The following OPA3 variants were observed in gnomAD, a reference collection of about 807,000 sequenced individuals.
The protein encoded by OPA3 is outer mitochondrial membrane lipid metabolism regulator OPA3, also known as optic atrophy 3 protein.
Under a neutral mutation model 4.0 loss-of-function variants are expected in OPA3, and 6 were observed. The observed-to-expected ratio is 1.51, with a 90% CI of 0.83 to 2.99. The LOEUF is 2.99. Among genes scored for constraint, OPA3 ranks in the 30% most tolerant of loss-of-function variants. The pLI, the probability that OPA3 is intolerant of heterozygous loss-of-function variation, is 0.00. For missense variants in OPA3, 235 were observed against 256.2 expected (o/e 0.92, Z 0.56); for synonymous variants, 105 against 117.1 (o/e 0.90, Z 0.67).
chr19:45,580,635 T>C (rs1248444369), intron 1 of OPA3, among the ~76,000 whole-genome samples: 1 of 149,064 alleles, frequency 6.7e-6, no homozygotes, highest in Non-Finnish European at 1.5e-5. Flanking sequence ...TATTTATTTA[T>C]TGAGACAGAG....
intron 1 of OPA3, among the ~76,000 whole-genome samples, chr19:45,573,537 A>C (rs1017834156): frequency 3.3e-5 from 5 of 152,158 alleles, no homozygotes; most frequent in Non-Finnish European, 7.3e-5. Context: ...TGTTTTATGG[A>C]TCTTAATATC....
intron 1 of OPA3, among the ~76,000 whole-genome samples, chr19:45,534,240 A>G (rs1372210844): frequency 2.6e-5 from 4 of 152,180 alleles, no homozygotes; most frequent in Admixed American, 1.3e-4. Flanking sequence ...CAGACTGTCC[A>G]TCTCTTTTAG....
intron 1 of OPA3, among the ~76,000 whole-genome samples, chr19:45,540,455 G>C (rs1454146592): frequency 3.3e-5 from 5 of 152,042 alleles, no homozygotes; most frequent in African/African-American, 4.8e-5. Flanking sequence ...CAGCTACTTG[G>C]GGGGTTGAAG....
In OPA3 at chr19:45,553,336, C is replaced by T; in HGVS notation, c.*178G>A. The T allele has an allele frequency of 6.7e-7, 1 of 1,487,598 alleles. No homozygotes were observed. Among genetic ancestry groups the T allele is most frequent in the South Asian group, 1.3e-5 (1 of 75,798 alleles). 92.1% of individuals were successfully genotyped at this position (1,487,598 alleles called of 1,614,324 possible). ...TGGAGGGGGCTATGTTGCAACGCTT[C>T]ACCTGCTGGTCCCAGTGGCAGGTAA... is the stretch of plus-strand genomic sequence containing the variant. On this transcript the variant is annotated 3_prime_UTR_variant, in exon 2 of 2. Coordinates refer to ENST00000263275, the MANE Select transcript of OPA3 (RefSeq NM_025136.4).
Position 45,553,916 on chromosome 19 carries a change from G to T in OPA3, c.143-5C>A, listed in dbSNP as rs770452409. On this transcript the variant is annotated splice_polypyrimidine_tract_variant and splice_region_variant and intron_variant, in intron 1 of 1. Transcript: ENST00000263275. ...GCATCTCCACCCAGTGATACACTGC[G>T]GGGGAAGAGAGGGGTCAGGCTGCGC... 17 of 1,601,062 alleles carry T rather than the reference G, an allele frequency of 1.1e-5. No homozygotes were observed. In the South Asian group the frequency reaches 1.2e-4, roughly 11 times the overall value.
rs142898622 is a variant in OPA3, at chr19:45,583,162, T to C, written c.142+1461A>G. Among the ~76,000 whole-genome samples the C allele has an allele frequency of 2.5e-3, 379 of 152,240 alleles. 3 individuals carry two copies. The highest frequency in any genetic ancestry group is 8.2e-3 in the African/African-American group (342 of 41,556). On this transcript the variant is annotated intron_variant, in intron 1 of 1. Transcript: ENST00000263275. ...TAGCACAACACAGATCACCTTTTTT[T>C]TTTTTGGAGACGGAGTCTTGCTCCG...
chr19:45,529,419 G>A, exon 2 of OPA3: 1 of 1,614,206 alleles, frequency 6.2e-7, no homozygotes, highest in Non-Finnish European at 8.5e-7. Context: ...TGAAACCCAT[G>A]ATGCGCATTT....
intron 1 of OPA3, among the ~76,000 whole-genome samples, chr19:45,582,776 G>A (rs1446058592): frequency 2.7e-4 from 41 of 152,260 alleles, no homozygotes; most frequent in South Asian, 6.2e-4. Context: ...GATCTTAGGA[G>A]CAGTTTAGGG....
In OPA3 at chr19:45,528,722, T is replaced by C. The variant is rs929976485; in HGVS notation, c.*334A>G. On this transcript the variant is annotated 3_prime_UTR_variant, in exon 2 of 2. Coordinates refer to the OPA3 transcript ENST00000323060. ...TTGCCAAAAGAGGTGGACGTCCTGC[T>C]GGCCTACCTAGCGGTAGGGAGGTGG... 2.8e-5 allele frequency: 8 copies of C among 283,648 alleles called. No individual in the cohort carries two copies. The Admixed American group carries it at 3.4e-4, about 12-fold the overall frequency. The allele number at this position is 283,648 out of a possible 1,614,324, so 17.6% of individuals were successfully genotyped here.
intron 1 of OPA3, among the ~76,000 whole-genome samples, chr19:45,580,252 C>CCAAAGTGTTG (rs1006571940): frequency 4.6e-5 from 7 of 151,208 alleles, no homozygotes; most frequent in African/African-American, 9.7e-5. Context: ...CCTTGGCCTC[C>CCAAAGTGTTG]CAAAGTGTTG....
At position 45,549,474 on chromosome 19, in the gene OPA3, C is replaced by T; in HGVS notation, c.*4040G>A. The T allele has an allele frequency of 6.1e-6, 6 of 985,062 alleles. No individual in the cohort carries two copies. Among genetic ancestry groups the T allele is most frequent in the Non-Finnish European group, 7.2e-6 (6 of 829,926 alleles). 61.0% of individuals were successfully genotyped at this position (985,062 alleles called of 1,614,324 possible). ...GAATTGGAGCTCCTGCCTGTGTTCA[C>T]ACTCCCACCTCTGTTTTTTTTTTTT... is the stretch of plus-strand genomic sequence containing the variant. On this transcript the variant is annotated 3_prime_UTR_variant, in exon 2 of 2. Coordinates refer to ENST00000263275, the MANE Select transcript of OPA3 (RefSeq NM_025136.4).
chr19:45,581,064 C>T (rs1969848090), intron 1 of OPA3, among the ~76,000 whole-genome samples: 1 of 152,202 alleles, frequency 6.6e-6, no homozygotes, highest in South Asian at 2.1e-4. Context: ...CAATTAACTG[C>T]TGCCCTCAAC....
intron 1 of OPA3, among the ~76,000 whole-genome samples, chr19:45,556,916 C>T (rs1040008198): frequency 2.0e-5 from 3 of 152,230 alleles, no homozygotes; most frequent in African/African-American, 7.2e-5. Context: ...GGCTCCGCCA[C>T]CTGCTGCCTG....
chr19:45,579,886 A>G (rs1437365632), intron 1 of OPA3, among the ~76,000 whole-genome samples: 1 of 152,100 alleles, frequency 6.6e-6, no homozygotes, highest in Non-Finnish European at 1.5e-5. Context: ...AATGTACAGA[A>G]TCGGAAATTG....
chr19:45,555,902 G>C (rs1200166787), intron 1 of OPA3, among the ~76,000 whole-genome samples: 4 of 152,078 alleles, frequency 2.6e-5, no homozygotes. Flanking sequence ...AAAGTGCTGG[G>C]ATTGCAATCG....
At chr19:45,555,582 C>T (rs1254836763) in intron 1 of OPA3, among the ~76,000 whole-genome samples, 3 of 152,120 alleles carry the variant, frequency 2.0e-5, no homozygotes, top group Non-Finnish European at 4.4e-5. Context: ...GCTCCGCCAC[C>T]CGGGTTCACA....
At chr19:45,580,330 G>A (rs970256172) in intron 1 of OPA3, among the ~76,000 whole-genome samples, 8 of 123,044 alleles carry the variant, frequency 6.5e-5, no homozygotes, top group African/African-American at 2.5e-4. Flanking sequence ...TTTCACTCTT[G>A]TTGCCCAGGC....
chr19:45,538,537 A>G (rs756118348), intron 1 of OPA3, among the ~76,000 whole-genome samples: 10 of 152,102 alleles, frequency 6.6e-5, no homozygotes, highest in Non-Finnish European at 1.5e-4. Context: ...GCTGGCCAAC[A>G]TGGTGAAACT....
At chr19:45,564,204 G>T (rs1204811024) in intron 1 of OPA3, among the ~76,000 whole-genome samples, 1 of 152,028 alleles carries the variant, frequency 6.6e-6, no homozygotes, top group Non-Finnish European at 1.5e-5. Flanking sequence ...CTAGGCGGAA[G>T]GGGAGGGAAT....
Sources: gnomAD v4.1 joint callset for allele counts (sites outside exome capture counted in the v4.1 genomes callset) on GRCh38, gnomAD v4.1.1 for gene constraint, MANE v1.5 for transcripts, NCBI Gene and HGNC (gene_info 2026-07-23, HGNC 2026-07-21) for gene names.